Variants in GRIN2A observed in about 807,000 individuals in gnomAD.
GRIN2A encodes the protein glutamate receptor ionotropic, NMDA 2A.
In GRIN2A, 22 loss-of-function variants were observed where a neutral mutation model predicts 113.4. The ratio of observed to expected loss-of-function variants is 0.19; its 90% CI spans 0.14 to 0.28. The LOEUF (loss-of-function observed/expected upper bound fraction) is 0.28, where lower values mean the gene tolerates loss of function less well. GRIN2A is among the 10% of genes least tolerant of loss of function. The pLI is 1.00. For missense variants in GRIN2A, 1,502 were observed against 1,887.0 expected (o/e 0.80, Z 3.78); for synonymous variants, 827 against 738.4 (o/e 1.12, Z -1.94).
At chr16:9,808,877 A>G (rs1320074705) in intron 10 of GRIN2A, among the ~76,000 whole-genome samples, 1 of 152,170 alleles carries the variant, frequency 6.6e-6, no homozygotes, top group Non-Finnish European at 1.5e-5. Flanking sequence ...AACGATCCTT[A>G]ACACAGCCAT....
chr16:9,811,351 G>A (rs2042083152), intron 10 of GRIN2A, among the ~76,000 whole-genome samples: 1 of 152,186 alleles, frequency 6.6e-6, no homozygotes, highest in Non-Finnish European at 1.5e-5. Flanking sequence ...TGTGGCTTCT[G>A]CCTGAACTTC....
At chr16:10,095,801 G>C (rs1272832197) in intron 2 of GRIN2A, among the ~76,000 whole-genome samples, 3 of 151,910 alleles carry the variant, frequency 2.0e-5, no homozygotes, top group Non-Finnish European at 4.4e-5. Flanking sequence ...CCAATATCAA[G>C]ACCAACGGAC....
intron 10 of GRIN2A, among the ~76,000 whole-genome samples, chr16:9,805,819 C>T (rs928126576): frequency 6.6e-6 from 1 of 152,102 alleles, no homozygotes; most frequent in Non-Finnish European, 1.5e-5. Flanking sequence ...GGGTACCCAT[C>T]GGGGAAGGGC....
intron 11 of GRIN2A, among the ~76,000 whole-genome samples, chr16:9,791,399 A>T (rs904321954): frequency 6.6e-6 from 1 of 152,220 alleles, no homozygotes; most frequent in African/African-American, 2.4e-5. Flanking sequence ...TAGAAAGTTG[A>T]AAGGGAAAAA....
intron 11 of GRIN2A, among the ~76,000 whole-genome samples, chr16:9,792,281 G>A (rs1449080674): frequency 1.3e-5 from 2 of 152,158 alleles, no homozygotes; most frequent in Non-Finnish European, 2.9e-5. Context: ...GCAGTGCAGT[G>A]ACATGATCAT....
chr16:9,973,476 T>C (rs1334544888), intron 2 of GRIN2A, among the ~76,000 whole-genome samples: 1 of 152,092 alleles, frequency 6.6e-6, no homozygotes, highest in Non-Finnish European at 1.5e-5. Flanking sequence ...TTTCAAAAGT[T>C]CCTACAAGAA....
chr16:9,929,488 C>A (rs1325524977), intron 3 of GRIN2A, among the ~76,000 whole-genome samples: 1 of 152,132 alleles, frequency 6.6e-6, no homozygotes, highest in African/African-American at 2.4e-5. Flanking sequence ...CCCAAATATG[C>A]ATTAAGCCTG....
rs1034624088 is a variant in GRIN2A, at chr16:10,182,293, T to C, written c.-435A>G. 4 of 152,228 alleles carry C rather than the reference T, an allele frequency of 2.6e-5. No individual in the cohort carries two copies. Among genetic ancestry groups the C allele is most frequent in the African/African-American group, 9.7e-5 (4 of 41,442 alleles). 9.4% of individuals were successfully genotyped at this position (152,228 alleles called of 1,614,324 possible). Reference sequence around the variant, plus strand: ...CTCCACTCCAGGGTGCACAGGAGAATGGGAGCCCCAGGTTGGCCACCCACG... The same window carrying C: ...CTCCACTCCAGGGTGCACAGGAGAACGGGAGCCCCAGGTTGGCCACCCACG... On this transcript the variant is annotated 5_prime_UTR_variant, in exon 1 of 13. Coordinates refer to ENST00000330684, the MANE Select transcript of GRIN2A (RefSeq NM_001134407.3).
intron 2 of GRIN2A, among the ~76,000 whole-genome samples, chr16:9,999,256 G>C (rs964814643): frequency 6.6e-6 from 1 of 152,172 alleles, no homozygotes; most frequent in African/African-American, 2.4e-5. Context: ...TGACTCAACT[G>C]CTTAACTCAA....
chr16:9,876,678 A>G (rs548355126), intron 4 of GRIN2A, among the ~76,000 whole-genome samples: 36 of 152,274 alleles, frequency 2.4e-4, no homozygotes, highest in African/African-American at 8.4e-4. Context: ...CCTGGCACTG[A>G]GTCAGTAATC....
intron 2 of GRIN2A, among the ~76,000 whole-genome samples, chr16:10,005,100 T>C (rs965885177): frequency 6.6e-6 from 1 of 152,248 alleles, no homozygotes; most frequent in South Asian, 2.1e-4. Context: ...TATGGGGCAC[T>C]GGTAAGTATG....
At chr16:9,840,472 G>A (rs1255784897) in intron 7 of GRIN2A, among the ~76,000 whole-genome samples, 175 bp downstream of exon 7, 4 of 152,028 alleles carry the variant, frequency 2.6e-5, no homozygotes, top group Non-Finnish European at 4.4e-5. Context: ...TGAAATTTGG[G>A]TGGGGACCCA....
chr16:9,847,930 T>C (rs2042804442), intron 5 of GRIN2A, among the ~76,000 whole-genome samples: 1 of 146,566 alleles, frequency 6.8e-6, no homozygotes, highest in African/African-American at 2.5e-5. Context: ...GTTTTATATA[T>C]ATATAAAAAT....
At chr16:9,856,481 C>G in intron 4 of GRIN2A, among the ~76,000 whole-genome samples, 1 of 151,838 alleles carries the variant, frequency 6.6e-6, no homozygotes. Flanking sequence ...AAAAATTTGC[C>G]GGGCATGGTG....
intron 10 of GRIN2A, among the ~76,000 whole-genome samples, chr16:9,810,146 G>A (rs553920960): frequency 6.8e-4 from 104 of 152,164 alleles, no homozygotes; most frequent in Admixed American, 2.2e-3. Flanking sequence ...GGAAGGTATG[G>A]GAAATTGGCC....
chr16:10,149,856 A>G (rs529101539), intron 2 of GRIN2A, among the ~76,000 whole-genome samples: 1 of 152,362 alleles, frequency 6.6e-6, no homozygotes, highest in South Asian at 2.1e-4. Flanking sequence ...TTTCCATCAC[A>G]GTTGAAATAA....
intron 2 of GRIN2A, among the ~76,000 whole-genome samples, chr16:10,032,612 C>T (rs139426394): frequency 2.0e-5 from 3 of 152,310 alleles, no homozygotes; most frequent in East Asian, 1.9e-4. Context: ...CCCCATTTCA[C>T]AGACGAGGAA....
chr16:9,761,151 T>A lies in GRIN2A; in HGVS notation c.*1998A>T, dbSNP rs886052542. The A allele has an allele frequency of 8.2e-5, 19 of 232,620 alleles. 1 individual carries two copies. The highest frequency in any genetic ancestry group is 1.7e-4 in the Admixed American group (3 of 17,758). The allele number at this position is 232,620 out of a possible 1,614,324, so 14.4% of individuals were successfully genotyped here. On this transcript the variant is annotated 3_prime_UTR_variant, in exon 13 of 13. Coordinates refer to ENST00000330684, the MANE Select transcript of GRIN2A (RefSeq NM_001134407.3). ...CCCTATGATTGACCCTGAAATTTAT[T>A]GCAACCACTTTTCATTATAGGAACA...
At chr16:9,972,060 C>G (rs1294580860) in intron 2 of GRIN2A, among the ~76,000 whole-genome samples, 1 of 152,050 alleles carries the variant, frequency 6.6e-6, no homozygotes, top group Non-Finnish European at 1.5e-5. Flanking sequence ...ATATAAAAAC[C>G]CCAGAAAGAG....
Sources: allele counts gnomAD v4.1 joint callset (sites outside exome capture counted in the v4.1 genomes callset), GRCh38; gene constraint gnomAD v4.1.1; transcripts MANE v1.5; gene names NCBI Gene and HGNC (gene_info 2026-07-23, HGNC 2026-07-21).